Variants in ASXL2 observed in about 807,000 individuals in gnomAD.
ASXL2 encodes the protein ASXL transcriptional regulator 2, also known as putative Polycomb group protein ASXL2.
Under a neutral mutation model 122.0 loss-of-function variants are expected in ASXL2, and 23 were observed. The ratio of observed to expected loss-of-function variants is 0.19; its 90% CI spans 0.14 to 0.27. The LOEUF is 0.27. ASXL2 is among the 10% of genes least tolerant of loss of function. The pLI is 1.00. For synonymous variants in ASXL2, 650 were observed against 637.0 expected, an observed-to-expected ratio of 1.02 and a Z score of -0.31; for missense variants, 1,518 against 1,713.8, an observed-to-expected ratio of 0.89 and a Z score of 2.02.
At chr2:25,755,457 G>C (rs2088115508) in intron 10 of ASXL2, among the ~76,000 whole-genome samples, 1 of 152,170 alleles carries the variant, frequency 6.6e-6, no homozygotes, top group Non-Finnish European at 1.5e-5. Flanking sequence ...GTAATTCTTG[G>C]TCATGATCCA....
At chr2:25,761,102 G>A (rs1013336349) in intron 8 of ASXL2, among the ~76,000 whole-genome samples, 2 of 152,056 alleles carry the variant, frequency 1.3e-5, no homozygotes, top group African/African-American at 2.4e-5. Context: ...TAGAGGTTTA[G>A]CAAAAACATA....
intron 1 of ASXL2, among the ~76,000 whole-genome samples, chr2:25,875,580 C>CACA (rs2090003482): frequency 6.6e-6 from 1 of 152,130 alleles, no homozygotes; most frequent in African/African-American, 2.4e-5. Flanking sequence ...CATAAACACA[C>CACA]ACACCCCGTA....
rs775329935 is a variant in ASXL2, at chr2:25,742,342, T to C, written c.3995A>G (p.Asn1332Ser). ...QIGPSYRGMINVSTSSDMDHN... is the reference protein window; with the variant it reads ...QIGPSYRGMISVSTSSDMDHN... ...GTCCATGTCAGATGAGGTGGAGACA[T>C]TGATCATGCCTCTATAGCTTGGCCC... The change falls in exon 13 of 13, where the codon AAT becomes AGT. Residue 1332 changes from asparagine to serine, a missense_variant. By Grantham distance (46) the Asn-to-Ser change is conservative. Coordinates refer to ENST00000435504, the MANE Select transcript of ASXL2 (RefSeq NM_018263.6). The C allele has an allele frequency of 3.3e-5, 53 of 1,613,236 alleles. 1 individual carries two copies. The South Asian group carries it at 3.8e-4, about 12-fold the overall frequency.
chr2:25,776,577 C>T (rs896551018), intron 5 of ASXL2, among the ~76,000 whole-genome samples: 2 of 152,182 alleles, frequency 1.3e-5, no homozygotes, highest in African/African-American at 4.8e-5. Flanking sequence ...AATTGCCAAG[C>T]TGTTTTCCAA....
chr2:25,771,528 G>C lies in ASXL2; in HGVS notation c.416C>G (p.Ser139Cys), dbSNP rs757065305. The C allele has an allele frequency of 1.9e-6, 3 of 1,611,138 alleles. No individual in the cohort carries two copies. Among genetic ancestry groups the C allele is most frequent in the East Asian group, 2.2e-5 (1 of 44,822 alleles). The change falls in exon 6 of 13, where the codon TCC becomes TGC. Residue 139 changes from serine (S) to cysteine (C), a missense_variant. By Grantham distance (112) the Ser-to-Cys change is moderately radical. Around this residue, in one of 8 missense-constraint regions of ASXL2, gnomAD observed 198 missense variants for 209.0 expected, o/e 0.95. Transcript: ENST00000435504. ...GGGTGATGGGCAGCCTGACTGCGGG[G>C]AGGACGACGATACTAGGGAAAAAAA... ...SRWKRKVSSS[S>C]PQSGCPSPTI...
At position 25,734,305 on chromosome 2, in the gene ASXL2, T is replaced by A. The variant is rs1430412031; in HGVS notation, c.*7724A>T. On this transcript the variant is annotated 3_prime_UTR_variant, in exon 13 of 13. Transcript: ENST00000435504. Reference sequence around the variant, plus strand: ...AACCAAATCCAAGACTCTGGAAGCATCTGATTAACTTAAAATGTGTGCAAA... The same window carrying A: ...AACCAAATCCAAGACTCTGGAAGCAACTGATTAACTTAAAATGTGTGCAAA... The A allele has an allele frequency of 6.6e-6, 1 of 152,164 alleles. No individual in the cohort carries two copies. Among genetic ancestry groups the A allele is most frequent in the Non-Finnish European group, 1.5e-5 (1 of 68,020 alleles). The allele number at this position is 152,164 out of a possible 1,614,324, so 9.4% of individuals were successfully genotyped here.
At chr2:25,763,977 C>T (rs1194367671) in intron 8 of ASXL2, among the ~76,000 whole-genome samples, 1 of 152,074 alleles carries the variant, frequency 6.6e-6, no homozygotes, top group Non-Finnish European at 1.5e-5. Context: ...TGGAAATTAA[C>T]AACAACAAAC....
In ASXL2 at chr2:25,781,097, A is replaced by T. The variant is rs190258266; in HGVS notation, c.404-9557T>A. On this transcript the variant is annotated intron_variant, in intron 5 of 12. Transcript: ENST00000435504. ...AAAAAGAAAAGAAATTAATTCACCC[A>T]TGTTTTCCTGTAGTACTTGGTTTCA... is the stretch of plus-strand genomic sequence containing the variant. 1.1e-4 allele frequency among the ~76,000 whole-genome samples: 16 copies of T among 151,216 alleles called. 1 individual carries two copies. The East Asian group carries it at 3.1e-3, about 29-fold the overall frequency.
At position 25,742,354 on chromosome 2, in the gene ASXL2, C is replaced by CT. The variant is rs1237397598; in HGVS notation, c.3982dup (p.Arg1328LysfsTer11). On this transcript the variant is annotated frameshift_variant, in exon 13 of 13. Coordinates refer to ENST00000435504, the MANE Select transcript of ASXL2 (RefSeq NM_018263.6). LOFTEE classifies it high-confidence loss of function. ...TGAGGTGGAGACATTGATCATGCCTCTATAGCTTGGCCCTATCTGGGTGGG... is the reference window on the plus strand; with the variant it reads ...TGAGGTGGAGACATTGATCATGCCTCTTATAGCTTGGCCCTATCTGGGTGGG... The CT allele has an allele frequency of 6.6e-7, 1 of 1,524,476 alleles. No individual in the cohort carries two copies. Among genetic ancestry groups the CT allele is most frequent in the Non-Finnish European group, 8.9e-7 (1 of 1,129,774 alleles). 94.4% of individuals were successfully genotyped at this position (1,524,476 alleles called of 1,614,324 possible). A position where few individuals can be genotyped will look rare whatever the true frequency, so the allele number is the denominator to read the frequency against.
At position 25,759,492 on chromosome 2, in the gene ASXL2, A is replaced by C. The variant is rs541074087; in HGVS notation, c.929T>G (p.Val310Gly). The C allele has an allele frequency of 3.7e-6, 6 of 1,613,774 alleles. No individual in the cohort carries two copies. The highest frequency in any genetic ancestry group is 5.1e-6 in the Non-Finnish European group (6 of 1,179,812). ...QQRLLLLLPE[V>G]DRQVGPDGLM... ...AGTTCAATGACGCACCTGTCGATCT[A>C]CCTCTGGGAGTAGTAAAAGCAGTCG... The change falls in exon 9 of 13, where the codon GTA (valine) becomes GGA (glycine). Residue 310 changes from valine to glycine, a missense_variant. By Grantham distance (109) the Val-to-Gly change is moderately radical (BLOSUM62 -3). This residue lies in a region of ASXL2 where 92 missense variants were observed against 156.6 expected (regional missense o/e 0.59). Transcript: ENST00000435504.
Position 25,878,299 on chromosome 2 carries a change from CT to C in ASXL2, c.-78del. Reference sequence around the variant, plus strand: ...TCCCTGCCTGCTCTGCCCTGCGCTGCTTTTCCCGCGGTGCCGGGAAAGGTGG... The same window carrying C: ...TCCCTGCCTGCTCTGCCCTGCGCTGCTTTCCCGCGGTGCCGGGAAAGGTGG... On this transcript the variant is annotated 5_prime_UTR_variant, in exon 1 of 13. Coordinates refer to ENST00000435504, the MANE Select transcript of ASXL2 (RefSeq NM_018263.6). 4 of 1,506,852 alleles carry C rather than the reference CT, an allele frequency of 2.7e-6. No homozygotes were observed. The highest frequency in any genetic ancestry group is 1.8e-6 in the Non-Finnish European group (2 of 1,093,692). 93.3% of individuals were successfully genotyped at this position (1,506,852 alleles called of 1,614,324 possible). A position where few individuals can be genotyped will look rare whatever the true frequency, so the allele number is the denominator to read the frequency against.
intron 4 of ASXL2, among the ~76,000 whole-genome samples, chr2:25,805,303 C>T (rs1022439083): frequency 6.6e-6 from 1 of 152,066 alleles, no homozygotes; most frequent in Non-Finnish European, 1.5e-5. Flanking sequence ...TCCAAAGAAA[C>T]AATTATTATA....
At position 25,815,659 on chromosome 2, in the gene ASXL2, T is replaced by A. The variant is rs188754256; in HGVS notation, c.144-9322A>T. Among the ~76,000 whole-genome samples, 126 of 152,290 alleles carry A rather than the reference T, an allele frequency of 8.3e-4. 1 individual carries two copies. Among genetic ancestry groups the A allele is most frequent in the Admixed American group, 3.1e-3 (47 of 15,304 alleles). On this transcript the variant is annotated intron_variant, in intron 3 of 12. Coordinates refer to ENST00000435504, the MANE Select transcript of ASXL2 (RefSeq NM_018263.6). The stretch of plus-strand genomic sequence containing the variant: ...ATCCAGCTCTAAGGCCTGTGAGCAG[T>A]CATCTTGCAATTATGATGGATGAGC...
intron 1 of ASXL2, among the ~76,000 whole-genome samples, chr2:25,865,116 C>A (rs946582170): frequency 6.6e-6 from 1 of 151,850 alleles, no homozygotes; most frequent in Non-Finnish European, 1.5e-5. Flanking sequence ...AGCCACCGCA[C>A]CAGGCTAAAA....
chr2:25,874,203 T>C (rs1034228478), intron 1 of ASXL2, among the ~76,000 whole-genome samples: 2 of 151,830 alleles, frequency 1.3e-5, no homozygotes, highest in African/African-American at 4.8e-5. Context: ...AAAGATTAGC[T>C]GTGGGCCCCG....
chr2:25,799,987 A>AT (rs1436618177), intron 4 of ASXL2, among the ~76,000 whole-genome samples: 1 of 150,674 alleles, frequency 6.6e-6, no homozygotes, highest in Non-Finnish European at 1.5e-5. Context: ...CTACAAAAAA[A>AT]AAATGCAAAA....
Position 25,744,273 on chromosome 2 carries a change from C to T in ASXL2, c.2064G>A (p.Gly688=), listed in dbSNP as rs2087901555. 3.1e-6 allele frequency: 5 copies of T among 1,613,922 alleles called. No individual in the cohort carries two copies. Among genetic ancestry groups the T allele is most frequent in the Non-Finnish European group, 4.2e-6 (5 of 1,179,838 alleles). ...CCCCTGGGCCAGGTCCTGGAATGGT[C>T]CCTCCAACTGAGGCGGCTGCAGCAG... is the stretch of plus-strand genomic sequence containing the variant. ...AAAAAAASVG[G]TIPGPGPGGG... Residue 688 remains glycine (G), a synonymous_variant, in exon 13 of 13, where the codon GGG becomes GGA. Coordinates refer to ENST00000435504, the MANE Select transcript of ASXL2 (RefSeq NM_018263.6). This position sits in a 1 kb window ranked among gnomAD's most constrained non-coding sequence, Gnocchi z 4.7.
chr2:25,781,959 C>CTTTTTTTTTTTTTTTTTTTTTTT (rs1327580113), intron 5 of ASXL2, among the ~76,000 whole-genome samples: 1 of 88,400 alleles, frequency 1.1e-5, no homozygotes, highest in Non-Finnish European at 2.3e-5. Flanking sequence ...ACCGCCCGGG[C>CTTTTTTTTTTTTTTTTTTTTTTT]TTTTTTCTTT....
At chr2:25,822,876 G>A in intron 3 of ASXL2, 2 of 549,586 alleles carry the variant, frequency 3.6e-6, no homozygotes, top group Admixed American at 3.9e-5. Context: ...AGAGGATGCA[G>A]ATTGACCAGA....
Sources: allele counts gnomAD v4.1 joint callset (sites outside exome capture counted in the v4.1 genomes callset), GRCh38; gene constraint gnomAD v4.1.1; regional missense constraint gnomAD v4.1.1; non-coding constraint Gnocchi (gnomAD v3.1); transcripts MANE v1.5; gene names NCBI Gene and HGNC (gene_info 2026-07-23, HGNC 2026-07-21).